The following ST6GALNAC3 variants were observed in gnomAD, a reference collection of about 807,000 sequenced individuals.
The protein encoded by ST6GALNAC3 is alpha-N-acetylgalactosaminide alpha-2,6-sialyltransferase 3.
Under a neutral mutation model 32.7 loss-of-function variants are expected in ST6GALNAC3, and 25 were observed. The observed-to-expected ratio is 0.76, with a 90% CI of 0.56 to 1.07. The LOEUF is 1.07. Ranked by LOEUF, ST6GALNAC3 falls within the 50% of genes least tolerant of loss-of-function variation. ST6GALNAC3 has a pLI of 0.00. For missense variants in ST6GALNAC3, 355 were observed against 382.4 expected (o/e 0.93, Z 0.60); for synonymous variants, 129 against 133.1 (o/e 0.97, Z 0.21).
chr1:76,547,081 G>A (rs1664342438), intron 3 of ST6GALNAC3, among the ~76,000 whole-genome samples: 2 of 152,192 alleles, frequency 1.3e-5, no homozygotes, highest in Non-Finnish European at 1.5e-5. Context: ...AACTTGCAGA[G>A]TAACCATTAA....
At chr1:76,238,575 C>G (rs1323251926) in intron 1 of ST6GALNAC3, among the ~76,000 whole-genome samples, 1 of 152,068 alleles carries the variant, frequency 6.6e-6, no homozygotes, top group Non-Finnish European at 1.5e-5. Flanking sequence ...GATGATGCAG[C>G]CATAACTAAT....
chr1:76,378,461 A>C (rs1651418432), intron 2 of ST6GALNAC3, among the ~76,000 whole-genome samples: 1 of 152,140 alleles, frequency 6.6e-6, no homozygotes, highest in Admixed American at 6.5e-5. Context: ...CAGGAGTTTG[A>C]GACCAGCCTG....
chr1:76,563,691 C>G (rs1407932040), intron 3 of ST6GALNAC3, among the ~76,000 whole-genome samples: 4 of 152,128 alleles, frequency 2.6e-5, no homozygotes, highest in Non-Finnish European at 4.4e-5. Flanking sequence ...GTGGAGAAAA[C>G]TGTGCTGTTT....
chr1:76,621,245 A>C (rs1234647729), intron 3 of ST6GALNAC3, among the ~76,000 whole-genome samples: 1 of 152,050 alleles, frequency 6.6e-6, no homozygotes, highest in Admixed American at 6.6e-5. Context: ...ATTTTGCATT[A>C]GCTGATTGGG....
intron 3 of ST6GALNAC3, among the ~76,000 whole-genome samples, chr1:76,563,490 A>C (rs1665368304): frequency 6.6e-6 from 1 of 152,220 alleles, no homozygotes; most frequent in Non-Finnish European, 1.5e-5. Flanking sequence ...TAATCCTCAA[A>C]GGAAGATAAT....
intron 1 of ST6GALNAC3, among the ~76,000 whole-genome samples, chr1:76,198,807 G>C (rs1271623201): frequency 6.6e-6 from 1 of 152,120 alleles, no homozygotes; most frequent in African/African-American, 2.4e-5. Context: ...TTCATCTGTA[G>C]GTAGAGTTCG....
chr1:76,167,972 A>G (rs1212721663), intron 1 of ST6GALNAC3, among the ~76,000 whole-genome samples: 2 of 151,624 alleles, frequency 1.3e-5, no homozygotes, highest in Non-Finnish European at 2.9e-5. Context: ...ATGATTTTTC[A>G]TGTCTCAATT....
intron 1 of ST6GALNAC3, among the ~76,000 whole-genome samples, chr1:76,292,550 T>A (rs1222336420): frequency 6.6e-6 from 1 of 152,188 alleles, no homozygotes; most frequent in East Asian, 1.9e-4. Context: ...TTGGCTTACT[T>A]GTTGCAATTT....
At chr1:76,493,655 A>G (rs1005565878) in intron 3 of ST6GALNAC3, among the ~76,000 whole-genome samples, 1 of 152,118 alleles carries the variant, frequency 6.6e-6, no homozygotes, top group Admixed American at 6.6e-5. Context: ...CCCCAGAATA[A>G]AAGAGAGTAC....
intron 1 of ST6GALNAC3, among the ~76,000 whole-genome samples, chr1:76,179,129 G>A (rs1159658312): frequency 1.3e-5 from 2 of 152,150 alleles, no homozygotes; most frequent in African/African-American, 4.8e-5. Flanking sequence ...CTCCCAACTA[G>A]GAGTGTCCCA....
intron 2 of ST6GALNAC3, among the ~76,000 whole-genome samples, chr1:76,380,733 A>G (rs1373157295): frequency 6.6e-6 from 1 of 152,184 alleles, no homozygotes; most frequent in Non-Finnish European, 1.5e-5. Context: ...GGAGTGTTAC[A>G]TGTATTTAGC....
At chr1:76,525,793 A>ATATATATATATATATATATATATG (rs1662854564) in intron 3 of ST6GALNAC3, among the ~76,000 whole-genome samples, 1 of 21,758 alleles carries the variant, frequency 4.6e-5, no homozygotes, top group African/African-American at 3.7e-4. Flanking sequence ...GTGTGTGTGT[A>ATATATATATATATATATATATATG]TATATATATA....
At chr1:76,504,334 C>T (rs1661346865) in intron 3 of ST6GALNAC3, among the ~76,000 whole-genome samples, 1 of 152,130 alleles carries the variant, frequency 6.6e-6, no homozygotes, top group Non-Finnish European at 1.5e-5. Context: ...GGATTTAAGG[C>T]CCACCCTAAT....
rs180953706 is a variant in ST6GALNAC3 at position 76,479,543 on chromosome 1, C to A, written c.623+67126C>A. Among the ~76,000 whole-genome samples, 5 of 152,268 alleles carry A rather than the reference C, an allele frequency of 3.3e-5. 1 individual carries two copies. The highest frequency in any genetic ancestry group is 2.1e-4 in the South Asian group (1 of 4,820). Reference sequence around the variant, plus strand: ...GCCTTCTTGCCATGTCATAACATGGCGGAAGCCATCAAACGGAGTAGAGAG... The same window carrying A: ...GCCTTCTTGCCATGTCATAACATGGAGGAAGCCATCAAACGGAGTAGAGAG... On this transcript the variant is annotated intron_variant, in intron 3 of 4. Transcript: ENST00000328299.
At chr1:76,076,824 C>T (rs771351639) in intron 1 of ST6GALNAC3, among the ~76,000 whole-genome samples, 6 of 152,220 alleles carry the variant, frequency 3.9e-5, no homozygotes, top group Middle Eastern at 3.4e-3. Context: ...AGAAAGTTGA[C>T]GCTCCCTAGT....
intron 1 of ST6GALNAC3, among the ~76,000 whole-genome samples, chr1:76,122,327 A>G (rs1648933335): frequency 6.6e-6 from 1 of 152,216 alleles, no homozygotes; most frequent in African/African-American, 2.4e-5. Flanking sequence ...GTTAAAGAAA[A>G]GTATGATTTT....
At chr1:76,145,180 C>T (rs1650597935) in intron 1 of ST6GALNAC3, among the ~76,000 whole-genome samples, 1 of 152,192 alleles carries the variant, frequency 6.6e-6, no homozygotes, top group African/African-American at 2.4e-5. Flanking sequence ...ATTTATTCCA[C>T]CACATTTTGC....
At chr1:76,431,418 AT>A (rs1300097261) in intron 3 of ST6GALNAC3, among the ~76,000 whole-genome samples, 3 of 152,246 alleles carry the variant, frequency 2.0e-5, no homozygotes, top group African/African-American at 7.2e-5. Context: ...GATTAAAAAA[AT>A]AAAATTCAAG....
At chr1:76,152,930 G>C (rs964492275) in intron 1 of ST6GALNAC3, among the ~76,000 whole-genome samples, 1 of 152,046 alleles carries the variant, frequency 6.6e-6, no homozygotes, top group African/African-American at 2.4e-5. Context: ...TCTATAATGT[G>C]GTCATTCATA....
Sources: gnomAD v4.1 joint callset for allele counts (sites outside exome capture counted in the v4.1 genomes callset) on GRCh38, gnomAD v4.1.1 for gene constraint, MANE v1.5 for transcripts, NCBI Gene and HGNC (gene_info 2026-07-23, HGNC 2026-07-21) for gene names.